CNTNAP2: variants seen among roughly 807,000 people sequenced by gnomAD.
CNTNAP2 encodes the protein contactin associated protein 2.
Under a neutral mutation model 155.2 loss-of-function variants are expected in CNTNAP2, and 98 were observed. The ratio of observed to expected loss-of-function variants is 0.63; its 90% CI spans 0.54 to 0.75. The LOEUF is 0.75. Among genes scored for constraint, CNTNAP2 ranks in the 30% least tolerant of loss-of-function variants. The pLI is 0.00. For synonymous variants in CNTNAP2, 651 were observed against 631.2 expected, an observed-to-expected ratio of 1.03 and a Z score of -0.47; for missense variants, 1,727 against 1,688.1, an observed-to-expected ratio of 1.02 and a Z score of -0.40.
chr7:147,977,810 A>G lies in CNTNAP2; in HGVS notation c.2256-52A>G, dbSNP rs531329916. On this transcript the variant is annotated intron_variant, in intron 14 of 23. Coordinates refer to ENST00000361727, the MANE Select transcript of CNTNAP2 (RefSeq NM_014141.6). Reference sequence around the variant, plus strand: ...AACGTAAGCAACTAGCAGAAAATTCATATGTCTAATGCAGCCTCCTCATTC... The same window carrying G: ...AACGTAAGCAACTAGCAGAAAATTCGTATGTCTAATGCAGCCTCCTCATTC... The G allele has an allele frequency of 2.3e-5, 37 of 1,612,282 alleles. No homozygotes were observed. The South Asian group carries it at 3.6e-4, about 16-fold the overall frequency.
At chr7:147,627,125 C>T (rs1794995050) in intron 12 of CNTNAP2, among the ~76,000 whole-genome samples, 1 of 152,120 alleles carries the variant, frequency 6.6e-6, no homozygotes, top group African/African-American at 2.4e-5. Context: ...GGGGGAAGCA[C>T]CACATCAAGG....
At chr7:148,190,553 A>G (rs1450165386) in intron 18 of CNTNAP2, 4 of 152,226 alleles carry the variant, frequency 2.6e-5, no homozygotes, top group Non-Finnish European at 5.9e-5. Flanking sequence ...AAGAGGAGAT[A>G]TGTACCTATA....
intron 10 of CNTNAP2, among the ~76,000 whole-genome samples, chr7:147,438,624 C>A (rs1797589808): frequency 6.6e-6 from 1 of 151,840 alleles, no homozygotes; most frequent in African/African-American, 2.4e-5. Context: ...GGAACTATTT[C>A]TCTCTTCCTC....
intron 3 of CNTNAP2, among the ~76,000 whole-genome samples, chr7:147,006,393 T>C (rs1230655974): frequency 6.6e-6 from 1 of 152,106 alleles, no homozygotes; most frequent in African/African-American, 2.4e-5. Context: ...ATCTCCTTTA[T>C]ACATGTAAAT....
At chr7:146,827,999 C>T (rs534690553) in intron 2 of CNTNAP2, among the ~76,000 whole-genome samples, 12 of 152,072 alleles carry the variant, frequency 7.9e-5, no homozygotes, top group African/African-American at 2.9e-4. Context: ...TCTGGTTTTC[C>T]ATATGGTAAA....
intron 1 of CNTNAP2, among the ~76,000 whole-genome samples, chr7:146,489,720 G>A (rs1797110873): frequency 6.6e-6 from 1 of 152,120 alleles, no homozygotes; most frequent in Admixed American, 6.5e-5. Flanking sequence ...CTGACAATTC[G>A]AAGGGTGAAG....
At chr7:146,509,351 G>A (rs897878259) in intron 1 of CNTNAP2, among the ~76,000 whole-genome samples, 1 of 152,182 alleles carries the variant, frequency 6.6e-6, no homozygotes, top group East Asian at 1.9e-4. Context: ...CATAATGGAG[G>A]CCAACTTTTC....
At chr7:147,611,116 G>C (rs924801829) in intron 12 of CNTNAP2, among the ~76,000 whole-genome samples, 1 of 151,872 alleles carries the variant, frequency 6.6e-6, no homozygotes, top group Non-Finnish European at 1.5e-5. Context: ...TTAATGAAGA[G>C]CAAGCAATAC....
At chr7:147,755,265 G>C (rs1055349880) in intron 13 of CNTNAP2, among the ~76,000 whole-genome samples, 1 of 152,124 alleles carries the variant, frequency 6.6e-6, no homozygotes, top group Non-Finnish European at 1.5e-5. Flanking sequence ...TCAGACATGA[G>C]GTAGATTTGA....
chr7:148,353,065 A>G (rs771380375), intron 21 of CNTNAP2, among the ~76,000 whole-genome samples: 32 of 152,222 alleles, frequency 2.1e-4, no homozygotes, highest in Non-Finnish European at 5.9e-5. Flanking sequence ...TGCACTGTGA[A>G]TGCCAGTGTT....
Position 148,405,420 on chromosome 7 carries a change from A to ATTTTTT in CNTNAP2, c.3716-3950_3716-3945dup, listed in dbSNP as rs36020816. Among the ~76,000 whole-genome samples the ATTTTTT allele has an allele frequency of 4.0e-4, 26 of 64,308 alleles. 1 individual carries two copies. Among genetic ancestry groups the ATTTTTT allele is most frequent in the African/African-American group, 1.3e-3 (17 of 12,654 alleles). 42.2% of individuals were successfully genotyped at this position (64,308 alleles called of 152,430 possible). On this transcript the variant is annotated intron_variant, in intron 22 of 23. Coordinates refer to ENST00000361727, the MANE Select transcript of CNTNAP2 (RefSeq NM_014141.6). ...TCAAGGGAACCAGATTACCATTGTA[A>ATTTTTT]TTTTTTTTTTTTTTTTTTTTTTTTT... is the stretch of plus-strand genomic sequence containing the variant.
At chr7:146,775,157 G>A (rs966690252) in intron 2 of CNTNAP2, among the ~76,000 whole-genome samples, 75 of 152,060 alleles carry the variant, frequency 4.9e-4, no homozygotes, top group African/African-American at 1.7e-3. Flanking sequence ...CAGGGGCTTC[G>A]GTGGAGAGGG....
At chr7:146,375,273 A>G (rs1026470373) in intron 1 of CNTNAP2, among the ~76,000 whole-genome samples, 4 of 152,220 alleles carry the variant, frequency 2.6e-5, no homozygotes, top group South Asian at 2.1e-4. Flanking sequence ...TCTCTGCACT[A>G]CTGTCACCAG....
Position 146,947,404 on chromosome 7 carries a change from CTCTCTCTA to C in CNTNAP2, c.403-96501_403-96494del, listed in dbSNP as rs1158297254. ...TCTCTTTCTCTCTCTCTCTCTCTCT[CTCTCTCTA>C]TATATATATATATATATACATACAC... On this transcript the variant is annotated intron_variant, in intron 3 of 23. Transcript: ENST00000361727. 3.5e-3 allele frequency among the ~76,000 whole-genome samples: 458 copies of C among 131,726 alleles called. 2 individuals carry two copies. The highest frequency in any genetic ancestry group is 0.013 in the African/African-American group (426 of 33,988). The allele number at this position is 131,726 out of a possible 152,430, so 86.4% of individuals were successfully genotyped here.
chr7:148,173,259 T>A (rs1264162273), intron 18 of CNTNAP2, among the ~76,000 whole-genome samples: 1 of 152,134 alleles, frequency 6.6e-6, no homozygotes, highest in African/African-American at 2.4e-5. Context: ...TTCCCATATA[T>A]AAATGAGGGA....
intron 1 of CNTNAP2, among the ~76,000 whole-genome samples, chr7:146,694,220 T>C (rs1051748552): frequency 6.6e-6 from 1 of 152,178 alleles, no homozygotes; most frequent in Non-Finnish European, 1.5e-5. Flanking sequence ...TTGTAAAGAA[T>C]AGACAAAGGG....
At chr7:146,626,463 C>T (rs1470315104) in intron 1 of CNTNAP2, among the ~76,000 whole-genome samples, 1 of 151,922 alleles carries the variant, frequency 6.6e-6, no homozygotes, top group Non-Finnish European at 1.5e-5. Context: ...GTTGAAACAC[C>T]ACCGTATACT....
intron 13 of CNTNAP2, among the ~76,000 whole-genome samples, chr7:147,788,405 T>A (rs1163821706): frequency 2.0e-5 from 3 of 152,222 alleles, no homozygotes; most frequent in Non-Finnish European, 4.4e-5. Flanking sequence ...AATGCTTGAA[T>A]GTTTGTTCTT....
intron 8 of CNTNAP2, among the ~76,000 whole-genome samples, chr7:147,217,308 T>C (rs929271616): frequency 2.3e-4 from 35 of 151,982 alleles, no homozygotes; most frequent in African/African-American, 8.4e-4. Flanking sequence ...TTCTTTTTCA[T>C]GTTGAGGAAG....
Sources: allele counts gnomAD v4.1 joint callset (sites outside exome capture counted in the v4.1 genomes callset), GRCh38; gene constraint gnomAD v4.1.1; transcripts MANE v1.5; gene names NCBI Gene and HGNC (gene_info 2026-07-23, HGNC 2026-07-21).